The following TTC29 variants were observed in gnomAD, a reference collection of about 807,000 sequenced individuals.
The protein encoded by TTC29 is tetratricopeptide repeat domain 29.
A neutral mutation model predicts 58.1 loss-of-function variants in TTC29; 49 were observed. That is an observed-to-expected ratio of 0.84 (90% CI 0.67 to 1.07). The LOEUF is 1.07. Ranked by LOEUF, TTC29 falls within the 50% of genes least tolerant of loss-of-function variation. TTC29 has a pLI of 0.00. For missense variants in TTC29, 582 were observed against 555.6 expected, an observed-to-expected ratio of 1.05 and a Z score of -0.48; for synonymous variants, 209 against 196.8, an observed-to-expected ratio of 1.06 and a Z score of -0.52.
chr4:146,803,156 A>G (rs1344066333), intron 11 of TTC29, among the ~76,000 whole-genome samples: 1 of 152,130 alleles, frequency 6.6e-6, no homozygotes, highest in Non-Finnish European at 1.5e-5. Context: ...CTTATTTCAC[A>G]TTCCTTATGC....
chr4:146,832,641 TTGTG>T (rs201136243), intron 9 of TTC29, among the ~76,000 whole-genome samples: 1 of 149,186 alleles, frequency 6.7e-6, no homozygotes, highest in Non-Finnish European at 1.5e-5. Context: ...CCAACTAATT[TTGTG>T]TGTGTGTGTG....
At chr4:146,847,400 A>G (rs1729242095) in intron 8 of TTC29, among the ~76,000 whole-genome samples, 1 of 152,192 alleles carries the variant, frequency 6.6e-6, no homozygotes, top group African/African-American at 2.4e-5. Context: ...AAGCTTTTGC[A>G]GATGTTCACA....
intron 11 of TTC29, among the ~76,000 whole-genome samples, chr4:146,767,009 C>A (rs2150069509): frequency 6.6e-6 from 1 of 152,156 alleles, no homozygotes; most frequent in South Asian, 2.1e-4. Context: ...ATTTATTCAT[C>A]ATTTAGCTAT....
intron 11 of TTC29, among the ~76,000 whole-genome samples, chr4:146,731,083 T>C (rs890164247): frequency 4.6e-5 from 7 of 152,132 alleles, no homozygotes; most frequent in African/African-American, 1.4e-4. Context: ...GGATGACATA[T>C]AGTACACTGG....
Position 146,830,120 on chromosome 4 carries a change from T to C in TTC29, c.977+3686A>G, listed in dbSNP as rs369913954. Among the ~76,000 whole-genome samples, 4 of 152,308 alleles carry C rather than the reference T, an allele frequency of 2.6e-5. No homozygotes were observed. The East Asian group carries it at 7.7e-4, about 29-fold the overall frequency. ...TATTGTAGTTTCACAAAGCAATTGT[T>C]AGTATTTTAGAGCATCAAATCTTTT... is the stretch of plus-strand genomic sequence containing the variant. On this transcript the variant is annotated intron_variant, in intron 9 of 12. Transcript: ENST00000325106.
In TTC29 at chr4:146,795,948, G is replaced by T. The variant is rs531315311; in HGVS notation, c.1330+7509C>A. 4.6e-5 allele frequency among the ~76,000 whole-genome samples: 7 copies of T among 152,282 alleles called. No homozygotes were observed. The South Asian group carries it at 1.4e-3, about 32-fold the overall frequency. Reference sequence around the variant, plus strand: ...GAGGTAAGACCCTTGCTGAGAATGAGACAAATATAAATGGGGTGACAGCTG... The same window carrying T: ...GAGGTAAGACCCTTGCTGAGAATGATACAAATATAAATGGGGTGACAGCTG... On this transcript the variant is annotated intron_variant, in intron 11 of 12. Transcript: ENST00000325106.
intron 11 of TTC29, among the ~76,000 whole-genome samples, chr4:146,752,661 G>T (rs943263782): frequency 2.2e-4 from 34 of 151,928 alleles, no homozygotes; most frequent in Non-Finnish European, 4.6e-4. Flanking sequence ...ATACTACAAG[G>T]CTACAGTAAC....
At chr4:146,897,211 G>A (rs1453203329) in intron 6 of TTC29, among the ~76,000 whole-genome samples, 1 of 151,982 alleles carries the variant, frequency 6.6e-6, no homozygotes, top group Non-Finnish European at 1.5e-5. Context: ...ATCTCTTTAG[G>A]TTAACAGCAC....
At chr4:146,710,909 C>T (rs1204249126) in intron 11 of TTC29, among the ~76,000 whole-genome samples, 2 of 152,000 alleles carry the variant, frequency 1.3e-5, no homozygotes, top group Non-Finnish European at 1.5e-5. Context: ...AATCCACCAT[C>T]GCATCCCTTT....
intron 10 of TTC29, among the ~76,000 whole-genome samples, chr4:146,804,964 C>A (rs1166530740): frequency 6.6e-6 from 1 of 152,162 alleles, no homozygotes; most frequent in East Asian, 1.9e-4. Flanking sequence ...CAGGGGTCGA[C>A]AGACACCTCA....
intron 6 of TTC29, among the ~76,000 whole-genome samples, chr4:146,896,215 T>G (rs753714317): frequency 2.6e-5 from 4 of 152,200 alleles, no homozygotes; most frequent in Non-Finnish European, 5.9e-5. Context: ...GTATTCATAA[T>G]GCAGTTTCTG....
At chr4:146,719,189 G>GGTGTGTGTGT (rs60552473) in intron 11 of TTC29, among the ~76,000 whole-genome samples, 20 of 144,184 alleles carry the variant, frequency 1.4e-4, no homozygotes, top group African/African-American at 4.6e-4. Flanking sequence ...TGGCTATTGG[G>GGTGTGTGTGT]GTGTGTGTGT....
chr4:146,753,308 T>C (rs1344594852), intron 11 of TTC29, among the ~76,000 whole-genome samples: 5 of 152,138 alleles, frequency 3.3e-5, no homozygotes, highest in African/African-American at 1.2e-4. Flanking sequence ...AAAATGCTCA[T>C]CATCACTGGC....
At chr4:146,846,062 A>G (rs988418333) in intron 8 of TTC29, among the ~76,000 whole-genome samples, 1 of 152,184 alleles carries the variant, frequency 6.6e-6, no homozygotes, top group Non-Finnish European at 1.5e-5. Flanking sequence ...AAACATTAAC[A>G]TGGCTATAAC....
intron 8 of TTC29, among the ~76,000 whole-genome samples, chr4:146,856,671 C>G (rs1729876115): frequency 6.7e-6 from 1 of 149,394 alleles, no homozygotes; most frequent in African/African-American, 2.4e-5. Context: ...TTTTCCTAAG[C>G]TGTAACATTA....
At chr4:146,838,751 T>C (rs1294472990) in intron 8 of TTC29, among the ~76,000 whole-genome samples, 4 of 152,022 alleles carry the variant, frequency 2.6e-5, no homozygotes, top group Non-Finnish European at 5.9e-5. Flanking sequence ...GGAACCTGCC[T>C]GAAGGAACAA....
chr4:146,943,659 CA>C (rs1736645619), intron 2 of TTC29, among the ~76,000 whole-genome samples: 1 of 152,124 alleles, frequency 6.6e-6, no homozygotes, highest in Admixed American at 6.5e-5. Flanking sequence ...AATTTTATGA[CA>C]GAGTTAATAT....
chr4:146,752,729 G>A (rs1746108163), intron 11 of TTC29, among the ~76,000 whole-genome samples: 1 of 152,034 alleles, frequency 6.6e-6, no homozygotes, highest in African/African-American at 2.4e-5. Flanking sequence ...ACAGAACAGA[G>A]CTCTCAGAAA....
At chr4:146,880,208 C>A (rs1731534261) in intron 6 of TTC29, among the ~76,000 whole-genome samples, 1 of 152,182 alleles carries the variant, frequency 6.6e-6, no homozygotes, top group Non-Finnish European at 1.5e-5. Context: ...TAGGAGAACA[C>A]TGTGAACAAC....
Sources: gnomAD v4.1 joint callset for allele counts (sites outside exome capture counted in the v4.1 genomes callset) on GRCh38, gnomAD v4.1.1 for gene constraint, MANE v1.5 for transcripts, NCBI Gene and HGNC (gene_info 2026-07-23, HGNC 2026-07-21) for gene names.